The following DLGAP2 variants were observed in gnomAD, a reference collection of about 807,000 sequenced individuals.
The protein encoded by DLGAP2 is disks large-associated protein 2.
A neutral mutation model predicts 100.3 loss-of-function variants in DLGAP2; 26 were observed. That is an observed-to-expected ratio of 0.26 (90% CI 0.19 to 0.36). The LOEUF is 0.36. Ranked by LOEUF, DLGAP2 falls within the 10% of genes least tolerant of loss-of-function variation. DLGAP2 has a pLI of 1.00. For missense variants in DLGAP2, 1,858 were observed against 1,453.2 expected (o/e 1.28, Z -4.53); for synonymous variants, 886 against 630.1 (o/e 1.41, Z -6.08).
chr8:1,125,416 T>C (rs1478092541), intron 2 of DLGAP2, among the ~76,000 whole-genome samples: 1 of 152,244 alleles, frequency 6.6e-6, no homozygotes, highest in Admixed American at 6.5e-5. Context: ...GAATTTCCTA[T>C]GATAGCGTGA....
intron 1 of DLGAP2, among the ~76,000 whole-genome samples, chr8:889,646 G>A (rs1184101310): frequency 1.3e-5 from 2 of 152,246 alleles, no homozygotes; most frequent in Non-Finnish European, 1.5e-5. Context: ...GCTCCAGTAG[G>A]GGAAGAGCGC....
chr8:1,500,378 G>A (rs2130318336), intron 3 of DLGAP2, among the ~76,000 whole-genome samples: 1 of 152,212 alleles, frequency 6.6e-6, no homozygotes, highest in Middle Eastern at 3.4e-3. Context: ...CCTGGGCAGA[G>A]CCTCCCTGAG....
At chr8:1,551,642 G>A (rs1353834290) in intron 5 of DLGAP2, among the ~76,000 whole-genome samples, 6 of 152,062 alleles carry the variant, frequency 3.9e-5, no homozygotes, top group Non-Finnish European at 8.8e-5. Context: ...CCCACACACC[G>A]TCAGCCCCTT....
chr8:1,390,810 G>A (rs574319861), intron 3 of DLGAP2, among the ~76,000 whole-genome samples: 2 of 152,322 alleles, frequency 1.3e-5, no homozygotes, highest in African/African-American at 2.4e-5. Flanking sequence ...CTTATCCACA[G>A]AGCGAGCCCA....
At chr8:1,536,965 A>AT (rs1336951801) in intron 4 of DLGAP2, among the ~76,000 whole-genome samples, 1 of 152,002 alleles carries the variant, frequency 6.6e-6, no homozygotes, top group African/African-American at 2.4e-5. Flanking sequence ...CTGTTGGCTC[A>AT]TTTAATGCTC....
chr8:792,644 A>C (rs1795939601), intron 1 of DLGAP2, among the ~76,000 whole-genome samples: 1 of 152,260 alleles, frequency 6.6e-6, no homozygotes, highest in South Asian at 2.1e-4. Flanking sequence ...TCTCTGTGTC[A>C]GAATAAAAAT....
intron 2 of DLGAP2, among the ~76,000 whole-genome samples, chr8:1,207,511 G>A (rs1354282928): frequency 6.6e-6 from 1 of 152,096 alleles, no homozygotes; most frequent in Admixed American, 6.5e-5. Context: ...CTGTGTTTTT[G>A]CAATTGTGAA....
chr8:797,899 T>C (rs1796067140), intron 1 of DLGAP2, among the ~76,000 whole-genome samples: 1 of 152,068 alleles, frequency 6.6e-6, no homozygotes, highest in African/African-American at 2.4e-5. Flanking sequence ...TACAGGCGCC[T>C]GCCACCACAC....
At chr8:1,674,376 G>A (rs888373284) in intron 10 of DLGAP2, among the ~76,000 whole-genome samples, 12 of 152,160 alleles carry the variant, frequency 7.9e-5, no homozygotes, top group African/African-American at 2.7e-4. Context: ...AGTATTCCGT[G>A]TCACAAGTAA....
intron 6 of DLGAP2, among the ~76,000 whole-genome samples, chr8:1,584,804 T>C (rs1195376238): frequency 1.3e-5 from 2 of 152,160 alleles, no homozygotes; most frequent in African/African-American, 4.8e-5. Context: ...ACATTATCCA[T>C]CCACCTGTTT....
At chr8:981,583 A>G (rs1246609569) in intron 2 of DLGAP2, among the ~76,000 whole-genome samples, 2 of 152,086 alleles carry the variant, frequency 1.3e-5, no homozygotes, top group African/African-American at 2.4e-5. Flanking sequence ...CCTCTCCGAT[A>G]TGGTATTTTT....
chr8:880,411 C>G (rs758499069), intron 1 of DLGAP2, among the ~76,000 whole-genome samples: 1 of 152,348 alleles, frequency 6.6e-6, no homozygotes, highest in Non-Finnish European at 1.5e-5. Context: ...GTTCTGCTAT[C>G]TGGCTCCTGT....
At chr8:897,804 A>T (rs1014130496) in intron 1 of DLGAP2, among the ~76,000 whole-genome samples, 1 of 152,148 alleles carries the variant, frequency 6.6e-6, no homozygotes, top group Non-Finnish European at 1.5e-5. Flanking sequence ...TGATGAGGAA[A>T]ACATTGATCC....
intron 3 of DLGAP2, among the ~76,000 whole-genome samples, chr8:1,465,925 A>T (rs1380936211): frequency 6.6e-6 from 1 of 152,172 alleles, no homozygotes; most frequent in East Asian, 1.9e-4. Context: ...AAGGCCGGGA[A>T]AGGTCCCTGC....
At chr8:1,272,096 A>G (rs1799595492) in intron 3 of DLGAP2, among the ~76,000 whole-genome samples, 1 of 152,248 alleles carries the variant, frequency 6.6e-6, no homozygotes, top group South Asian at 2.1e-4. Context: ...AATTACAGGC[A>G]TGAGCAACCA....
intron 3 of DLGAP2, among the ~76,000 whole-genome samples, chr8:1,262,996 G>C (rs979244440): frequency 1.3e-5 from 2 of 152,172 alleles, no homozygotes; most frequent in East Asian, 3.8e-4. Context: ...GGGGCCGGGA[G>C]AATGTATTTG....
intron 2 of DLGAP2, among the ~76,000 whole-genome samples, chr8:1,066,892 G>A (rs751342026): frequency 6.6e-6 from 1 of 152,216 alleles, no homozygotes; most frequent in Non-Finnish European, 1.5e-5. Context: ...TTAAGTCACC[G>A]TCAGAGCCCA....
chr8:1,235,050 T>C (rs1019446255), intron 2 of DLGAP2, among the ~76,000 whole-genome samples: 8 of 151,712 alleles, frequency 5.3e-5, no homozygotes, highest in African/African-American at 1.9e-4. Flanking sequence ...GCGCCATGTC[T>C]AGTTCTCTCA....
At chr8:758,689 G>A (rs1345227626) in intron 1 of DLGAP2, among the ~76,000 whole-genome samples, 4 of 152,116 alleles carry the variant, frequency 2.6e-5, no homozygotes, top group Admixed American at 6.5e-5. Flanking sequence ...AGACTCCTGA[G>A]TAGCTGGTAC....
Sources: allele counts gnomAD v4.1 joint callset (sites outside exome capture counted in the v4.1 genomes callset), GRCh38; gene constraint gnomAD v4.1.1; transcripts MANE v1.5; gene names NCBI Gene and HGNC (gene_info 2026-07-23, HGNC 2026-07-21).